The following ARID4B variants were observed in gnomAD, a reference collection of about 807,000 sequenced individuals.
ARID4B encodes AT-rich interactive domain-containing protein 4B.
Under a neutral mutation model 147.5 loss-of-function variants are expected in ARID4B, and 26 were observed. That is an observed-to-expected ratio of 0.18 (90% CI 0.13 to 0.24). The LOEUF (loss-of-function observed/expected upper bound fraction) is 0.24, where lower values mean the gene tolerates loss of function less well. Among genes scored for constraint, ARID4B ranks in the 10% least tolerant of loss-of-function variants. The pLI is 1.00. For synonymous variants in ARID4B, 512 were observed against 507.9 expected, an observed-to-expected ratio of 1.01 and a Z score of -0.11; for missense variants, 1,179 against 1,511.5, an observed-to-expected ratio of 0.78 and a Z score of 3.65.
chr1:235,277,317 A>AT, intron 2 of ARID4B, among the ~76,000 whole-genome samples: 1 of 152,220 alleles, frequency 6.6e-6, no homozygotes, highest in Non-Finnish European at 1.5e-5. Context: ...AGAAGGGTAG[A>AT]TCACCTGAGG....
intron 10 of ARID4B, among the ~76,000 whole-genome samples, chr1:235,230,724 C>G (rs1014341437): frequency 6.6e-6 from 1 of 151,438 alleles, no homozygotes; most frequent in African/African-American, 2.4e-5. Flanking sequence ...GAGTTCGAGA[C>G]CGGCCTGGGC....
At chr1:235,302,168 AAAAAAAAAACAGC>A (rs1673205354) in intron 2 of ARID4B, among the ~76,000 whole-genome samples, 1 of 146,642 alleles carries the variant, frequency 6.8e-6, no homozygotes, top group Non-Finnish European at 1.5e-5. Flanking sequence ...AAAAAAAAAA[AAAAAAAAAACAGC>A]AAAAAAAAAC....
intron 2 of ARID4B, among the ~76,000 whole-genome samples, chr1:235,296,642 T>C (rs1672733313): frequency 6.6e-6 from 1 of 151,510 alleles, no homozygotes; most frequent in Non-Finnish European, 1.5e-5. Context: ...GAGCTTTTTG[T>C]AGAGACAGGG....
At chr1:235,268,894 G>C (rs1670788670) in intron 2 of ARID4B, among the ~76,000 whole-genome samples, 1 of 152,198 alleles carries the variant, frequency 6.6e-6, no homozygotes, top group Admixed American at 6.5e-5. Flanking sequence ...GTGTCAGAAA[G>C]TAAAGAAATG....
chr1:235,293,665 T>C (rs1208024186), intron 2 of ARID4B, among the ~76,000 whole-genome samples: 1 of 140,782 alleles, frequency 7.1e-6, no homozygotes, highest in African/African-American at 2.7e-5. Context: ...AAAAAAAAAA[T>C]GATGAAAGAG....
chr1:235,203,288 T>C (rs1032522913), intron 17 of ARID4B, among the ~76,000 whole-genome samples: 3 of 152,306 alleles, frequency 2.0e-5, no homozygotes, highest in Admixed American at 2.0e-4. Flanking sequence ...GAAAAGAACA[T>C]TAGTCGACCA....
At chr1:235,193,254 G>C (rs191755146) in intron 19 of ARID4B, among the ~76,000 whole-genome samples, 2 of 152,194 alleles carry the variant, frequency 1.3e-5, no homozygotes, top group African/African-American at 2.4e-5. Flanking sequence ...AATATTAGCC[G>C]GGCATGGTGG....
intron 17 of ARID4B, among the ~76,000 whole-genome samples, chr1:235,196,853 C>CAAAAAAAAAAAAAAAAAAA (rs34581094): frequency 1.1e-5 from 1 of 88,558 alleles, no homozygotes; most frequent in Non-Finnish European, 2.1e-5. Context: ...CTCTGTTTCA[C>CAAAAAAAAAAAAAAAAAAA]AAAAAAAAAA....
At chr1:235,205,480 GAAC>G (rs546992840) in intron 17 of ARID4B, among the ~76,000 whole-genome samples, 3 of 151,960 alleles carry the variant, frequency 2.0e-5, no homozygotes, top group Non-Finnish European at 4.4e-5. Flanking sequence ...ACTCAGATTA[GAAC>G]AACAATGTAA....
chr1:235,327,080 C>G, intron 1 of ARID4B, 112 bp from the exon 2 acceptor site: 4 of 710,428 alleles, frequency 5.6e-6, no homozygotes. Flanking sequence ...GAGCCGCAAC[C>G]AGGCGCCAGC....
Position 235,168,379 on chromosome 1 carries a change from A to G in ARID4B, c.*146T>C, listed in dbSNP as rs1386592739. 3 of 878,122 alleles carry G rather than the reference A, an allele frequency of 3.4e-6. No homozygotes were observed. The highest frequency in any genetic ancestry group is 4.9e-6 in the Non-Finnish European group (3 of 615,616). The allele number at this position is 878,122 out of a possible 1,614,324, so 54.4% of individuals were successfully genotyped here. ...GTACTTTTTCTTCATAAAAAAGTGC[A>G]CTTAAGTGCCAAGTCAGCTTGTCAA... On this transcript the variant is annotated 3_prime_UTR_variant, in exon 24 of 24. Transcript: ENST00000264183.
intron 6 of ARID4B, 22 bp downstream of exon 6, chr1:235,252,708 C>T (rs1379624097): frequency 6.3e-7 from 1 of 1,598,300 alleles, no homozygotes; most frequent in East Asian, 2.2e-5. Context: ...AAGACATGTT[C>T]ATTTGTTAAA....
intron 2 of ARID4B, among the ~76,000 whole-genome samples, chr1:235,305,941 C>T (rs1262790933): frequency 6.6e-6 from 1 of 152,154 alleles, no homozygotes; most frequent in African/African-American, 2.4e-5. Flanking sequence ...GCCCAGGCAA[C>T]AGAGCAAGAA....
intron 17 of ARID4B, among the ~76,000 whole-genome samples, chr1:235,213,407 A>G (rs1337065912): frequency 6.6e-6 from 1 of 152,230 alleles, no homozygotes; most frequent in Non-Finnish European, 1.5e-5. Context: ...GAATACAAAA[A>G]AGAGGTTACT....
chr1:235,232,264 A>G (rs1014982923), intron 9 of ARID4B, among the ~76,000 whole-genome samples: 2 of 151,810 alleles, frequency 1.3e-5, no homozygotes, highest in African/African-American at 4.8e-5. Flanking sequence ...TATTAAAAAT[A>G]TAAAAATTAG....
chr1:235,175,716 A>G (rs1663820818), intron 21 of ARID4B: 2 of 231,338 alleles, frequency 8.6e-6, no homozygotes, highest in Non-Finnish European at 1.7e-5. Context: ...CATAAAATAT[A>G]TCATCTTTTA....
chr1:235,200,203 C>T (rs1351749585), intron 17 of ARID4B, among the ~76,000 whole-genome samples: 2 of 151,596 alleles, frequency 1.3e-5, no homozygotes, highest in Non-Finnish European at 2.9e-5. Flanking sequence ...GCCTGTAATC[C>T]CAGCACTTTG....
At chr1:235,202,897 G>A (rs1558197009) in intron 17 of ARID4B, among the ~76,000 whole-genome samples, 4 of 152,040 alleles carry the variant, frequency 2.6e-5, no homozygotes, top group Admixed American at 2.6e-4. Flanking sequence ...GTACACATGT[G>A]GACGTATTCA....
intron 17 of ARID4B, among the ~76,000 whole-genome samples, chr1:235,200,517 G>A (rs1414947917): frequency 6.6e-6 from 1 of 152,034 alleles, no homozygotes; most frequent in East Asian, 1.9e-4. Flanking sequence ...ATTTCCTACA[G>A]ACATTAAAAT....
Sources: gnomAD v4.1 joint callset for allele counts (sites outside exome capture counted in the v4.1 genomes callset) on GRCh38, gnomAD v4.1.1 for gene constraint, MANE v1.5 for transcripts, NCBI Gene and HGNC (gene_info 2026-07-23, HGNC 2026-07-21) for gene names.